JMJD1C: variants seen among roughly 807,000 people sequenced by gnomAD.
The protein encoded by JMJD1C is jumonji domain-containing protein 1C.
A neutral mutation model predicts 245.3 loss-of-function variants in JMJD1C; 31 were observed. The observed-to-expected ratio is 0.13, with a 90% CI of 0.09 to 0.17. The LOEUF is 0.17. JMJD1C is among the 10% of genes least tolerant of loss of function. JMJD1C has a pLI of 1.00. For missense variants in JMJD1C, 2,691 were observed against 3,000.2 expected, an observed-to-expected ratio of 0.90 and a Z score of 2.41; for synonymous variants, 1,057 against 1,017.4, an observed-to-expected ratio of 1.04 and a Z score of -0.74.
intron 1 of JMJD1C, among the ~76,000 whole-genome samples, chr10:63,515,739 G>A (rs1954998117): frequency 6.6e-6 from 1 of 152,126 alleles, no homozygotes; most frequent in South Asian, 2.1e-4. Flanking sequence ...GGACCAAGTG[G>A]CAATTACTGA....
chr10:63,402,703 C>A (rs1380572345), intron 1 of JMJD1C, among the ~76,000 whole-genome samples: 4 of 152,142 alleles, frequency 2.6e-5, no homozygotes, highest in Non-Finnish European at 5.9e-5. Context: ...AGAAATTAGA[C>A]TTCTGTTAGA....
In JMJD1C at chr10:63,213,686, C is replaced by T. The variant is rs548904134; in HGVS notation, c.2481G>A (p.Ala827=). ...SAHASSLSHL[A]LAHQQQQQLL... is the part of the protein sequence containing the mutation. Reference sequence around the variant, plus strand: ...ACTGTTGTTGTTGCTGGTGTGCTAGCGCTAAGTGGCTCAAGCTGCTGGCAT... The same window carrying T: ...ACTGTTGTTGTTGCTGGTGTGCTAGTGCTAAGTGGCTCAAGCTGCTGGCAT... Residue 827 remains alanine, a synonymous_variant, in exon 8 of 26, where the codon GCG becomes GCA. Transcript: ENST00000399262. 8.9e-5 allele frequency: 144 copies of T among 1,614,154 alleles called. 2 individuals carry two copies. Among genetic ancestry groups the T allele is most frequent in the Non-Finnish European group, 1.0e-4 (118 of 1,180,016 alleles).
At chr10:63,244,493 C>T (rs555272089) in intron 3 of JMJD1C, among the ~76,000 whole-genome samples, 1 of 152,222 alleles carries the variant, frequency 6.6e-6, no homozygotes, top group Non-Finnish European at 1.5e-5. Flanking sequence ...TCCTTCAATG[C>T]AAAGACATAG....
chr10:63,186,506 A>G (rs1844145908), intron 18 of JMJD1C, 123 bp from the exon 19 acceptor site: 1 of 656,808 alleles, frequency 1.5e-6, no homozygotes, highest in Non-Finnish European at 2.4e-6. Flanking sequence ...TGGCCTCATC[A>G]TACCTGACTG....
At chr10:63,294,008 C>A (rs1859089563) in intron 2 of JMJD1C, among the ~76,000 whole-genome samples, 2 of 152,238 alleles carry the variant, frequency 1.3e-5, no homozygotes, top group Middle Eastern at 6.8e-3. Flanking sequence ...TGCATTTAAT[C>A]TAACTCTTCC....
In JMJD1C at chr10:63,441,021, G is replaced by A. The variant is rs185147489; in HGVS notation, c.168+24474C>T. 3.4e-4 allele frequency among the ~76,000 whole-genome samples: 51 copies of A among 152,200 alleles called. No individual in the cohort carries two copies. In the Middle Eastern group the frequency reaches 0.01, roughly 30 times the overall value. ...TGCTTGAGGTCAGGGAAAACTTCCTGGAAGAACTGTGCTTTAAAAGGACAG... is the reference window on the plus strand; with the variant it reads ...TGCTTGAGGTCAGGGAAAACTTCCTAGAAGAACTGTGCTTTAAAAGGACAG... On this transcript the variant is annotated intron_variant, in intron 1 of 25. Transcript: ENST00000399262.
rs1216740323 is a variant in JMJD1C at position 63,192,991 on chromosome 10, G to A, written c.6023C>T (p.Pro2008Leu). The change falls in exon 16 of 26, where the codon CCA becomes CTA. Residue 2008 changes from proline to leucine, a missense_variant. Physicochemically the swap from Pro to Leu is moderately conservative, Grantham distance 98 (BLOSUM62 -3). This residue lies in a region of JMJD1C where 275 missense variants were observed against 285.5 expected (regional missense o/e 0.96). Coordinates refer to ENST00000399262, the MANE Select transcript of JMJD1C (RefSeq NM_032776.3). ...NKLTPPESQSPLHWLADLAEQ... is the reference protein window; with the variant it reads ...NKLTPPESQSLLHWLADLAEQ... ...TGCAAGATCTGCTAACCAGTGCAGT[G>A]GTGACTGGGATTCTGGAGGAGTTAA... The A allele has an allele frequency of 1.2e-6, 2 of 1,614,012 alleles. No individual in the cohort carries two copies. The highest frequency in any genetic ancestry group is 1.3e-5 in the African/African-American group (1 of 74,984).
At chr10:63,362,178 T>C (rs1945426064) in intron 2 of JMJD1C, among the ~76,000 whole-genome samples, 1 of 148,748 alleles carries the variant, frequency 6.7e-6, no homozygotes, top group Non-Finnish European at 1.5e-5. Flanking sequence ...GAGGCTACAG[T>C]GAGCCAAAAT....
intron 22 of JMJD1C, among the ~76,000 whole-genome samples, chr10:63,178,394 T>C (rs1364550121): frequency 1.3e-5 from 2 of 152,102 alleles, no homozygotes; most frequent in Non-Finnish European, 2.9e-5. Flanking sequence ...AGAGCAACTA[T>C]GTAAAATTTA....
chr10:63,265,916 T>G (rs1268863931), intron 2 of JMJD1C, among the ~76,000 whole-genome samples: 1 of 152,136 alleles, frequency 6.6e-6, no homozygotes, highest in Non-Finnish European at 1.5e-5. Context: ...TATAACATTT[T>G]GTTAATAACA....
chr10:63,228,446 G>T (rs1849567762), intron 3 of JMJD1C, among the ~76,000 whole-genome samples: 1 of 151,984 alleles, frequency 6.6e-6, no homozygotes, highest in South Asian at 2.1e-4. Context: ...ATGCCCAGAA[G>T]TTCAAAGCTA....
chr10:63,256,256 A>G lies in JMJD1C; in HGVS notation c.447+8395T>C, dbSNP rs534771834. ...TCCAAGGATACATTTTCAACACATC[A>G]AGTTTCGCAACCAATTTTTACAAAT... is the stretch of plus-strand genomic sequence containing the variant. On this transcript the variant is annotated intron_variant, in intron 3 of 25. Coordinates refer to ENST00000399262, the MANE Select transcript of JMJD1C (RefSeq NM_032776.3). 3.3e-5 allele frequency among the ~76,000 whole-genome samples: 5 copies of G among 152,318 alleles called. No homozygotes were observed. The East Asian group carries it at 9.6e-4, about 29-fold the overall frequency.
chr10:63,436,924 A>G (rs1951088271), intron 1 of JMJD1C, among the ~76,000 whole-genome samples: 1 of 152,010 alleles, frequency 6.6e-6, no homozygotes, highest in South Asian at 2.1e-4. Context: ...TCTTTTTCAC[A>G]TTCAAGTTCC....
rs1226725255 is a variant in JMJD1C, at chr10:63,215,259, C to A, written c.1015+4G>T. 1.2e-6 allele frequency: 2 copies of A among 1,607,366 alleles called. No individual in the cohort carries two copies. Among genetic ancestry groups the A allele is most frequent in the South Asian group, 2.2e-5 (2 of 89,970 alleles). ...ATTCCCTTAAAAAAAAAAGTGGGTC[C>A]TACCTCCTCGTGATATATAATCATA... On this transcript the variant is annotated splice_donor_region_variant and intron_variant, in intron 7 of 25. Coordinates refer to ENST00000399262, the MANE Select transcript of JMJD1C (RefSeq NM_032776.3).
Position 63,263,982 on chromosome 10 carries a change from A to ACACACT in JMJD1C, c.447+668_447+669insAGTGTG, listed in dbSNP as rs1554861363. Among the ~76,000 whole-genome samples, 97 of 110,028 alleles carry ACACACT rather than the reference A, an allele frequency of 8.8e-4. 2 individuals are homozygous for ACACACT. Among genetic ancestry groups the ACACACT allele is most frequent in the Middle Eastern group, 4.9e-3 (1 of 206 alleles). The allele number at this position is 110,028 out of a possible 152,430, so 72.2% of individuals were successfully genotyped here. The stretch of plus-strand genomic sequence containing the variant: ...CATACACACACACACACACACACAC[A>ACACACT]CACACACACACACACACACACACAC... On this transcript the variant is annotated intron_variant, in intron 3 of 25. Transcript: ENST00000399262.
rs537719789 is a variant in JMJD1C, at chr10:63,190,489, G to C, written c.6291+405C>G. ...AGTGCTGGGATTACAGGTGTGAGCC[G>C]CCGCACCCGGCCCCCCATATAGTTT... On this transcript the variant is annotated intron_variant, in intron 17 of 25. Transcript: ENST00000399262. Among the ~76,000 whole-genome samples, 5 of 152,204 alleles carry C rather than the reference G, an allele frequency of 3.3e-5. No individual in the cohort carries two copies. In the East Asian group the frequency reaches 9.7e-4, roughly 29 times the overall value.
intron 1 of JMJD1C, among the ~76,000 whole-genome samples, chr10:63,477,375 C>T (rs1420153970): frequency 9.5e-6 from 1 of 104,934 alleles, no homozygotes; most frequent in Non-Finnish European, 1.9e-5. Context: ...AATCAACTCA[C>T]CATAATGTTG....
At chr10:63,289,438 G>A (rs1295334576) in intron 2 of JMJD1C, among the ~76,000 whole-genome samples, 1 of 152,136 alleles carries the variant, frequency 6.6e-6, no homozygotes. Context: ...TAAATTTGTG[G>A]ATGGAAATAT....
intron 3 of JMJD1C, among the ~76,000 whole-genome samples, chr10:63,225,576 G>T (rs1277289409): frequency 6.6e-6 from 1 of 152,004 alleles, no homozygotes; most frequent in African/African-American, 2.4e-5. Flanking sequence ...CTGAGATTAG[G>T]GGTTCGACCT....
Sources: allele counts gnomAD v4.1 joint callset (sites outside exome capture counted in the v4.1 genomes callset), GRCh38; gene constraint gnomAD v4.1.1; regional missense constraint gnomAD v4.1.1; transcripts MANE v1.5; gene names NCBI Gene and HGNC (gene_info 2026-07-23, HGNC 2026-07-21).